SAMD11: variants seen among roughly 807,000 people sequenced by gnomAD.
SAMD11 encodes the protein sterile alpha motif domain containing 11.
SAMD11 carries 77 observed loss-of-function variants against 64.4 expected under a neutral mutation model. The ratio of observed to expected loss-of-function variants is 1.20; its 90% CI spans 0.99 to 1.44. The LOEUF is 1.44. Among genes scored for constraint, SAMD11 ranks in the 40% most tolerant of loss-of-function variants. The pLI, the probability that SAMD11 is intolerant of heterozygous loss-of-function variation, is 0.00. For synonymous variants in SAMD11, 658 were observed against 421.9 expected (o/e 1.56, Z -6.86); for missense variants, 1,402 against 943.3 (o/e 1.49, Z -6.37).
chr1:930,184 A>G lies in SAMD11; in HGVS notation c.639A>G (p.Thr213=). 2 of 1,560,538 alleles carry G rather than the reference A, an allele frequency of 1.3e-6. No homozygotes were observed. Among genetic ancestry groups the G allele is most frequent in the Non-Finnish European group, 1.7e-6 (2 of 1,152,438 alleles). Residue 213 remains threonine, a synonymous_variant, in exon 3 of 14, where the codon ACA becomes ACG. Coordinates refer to ENST00000616016, the MANE Select transcript of SAMD11 (RefSeq NM_001385641.1). ...VNRGRLADKR[T]VALPAARNLK... is the part of the protein sequence containing the mutation. Reference sequence around the variant, plus strand: ...GGGGGCGGCTGGCAGACAAGAGGACAGTCGCCCTGCCTGCCGCCCGGAACC... The same window carrying G: ...GGGGGCGGCTGGCAGACAAGAGGACGGTCGCCCTGCCTGCCGCCCGGAACC...
chr1:944,124 G>GC lies in SAMD11; in HGVS notation c.2511dup (p.Asp838ArgfsTer66), dbSNP rs1642004946. Reference sequence around the variant, plus strand: ...TGGGACCTTGGCTCTACTTCCAGGGGCCCCCGACCCTTCCCAGCCTCTGTG... The same window carrying GC: ...TGGGACCTTGGCTCTACTTCCAGGGGCCCCCCGACCCTTCCCAGCCTCTGTG... On this transcript the variant is annotated frameshift_variant, in exon 14 of 14. Coordinates refer to ENST00000616016, the MANE Select transcript of SAMD11 (RefSeq NM_001385641.1). LOFTEE classifies it high-confidence loss of function. 2 of 1,592,886 alleles carry GC rather than the reference G, an allele frequency of 1.3e-6. No individual in the cohort carries two copies. The highest frequency in any genetic ancestry group is 1.7e-4 in the Middle Eastern group (1 of 5,982).
intron 4 of SAMD11, among the ~76,000 whole-genome samples, chr1:933,466 GCTCGGGGCTCACTGCCAGCCCCCAAC>G (rs973938306): frequency 6.6e-6 from 1 of 152,134 alleles, no homozygotes; most frequent in African/African-American, 2.4e-5. Context: ...TGGGCGCCAG[GCTCGGGGCTCACTGCCAGCCCCCAAC>G]CTCTGGAGTC....
intron 11 of SAMD11, 44 bp downstream of exon 11, chr1:943,102 T>C (rs752169805): frequency 6.4e-7 from 1 of 1,554,918 alleles, no homozygotes; most frequent in Admixed American, 1.8e-5. Context: ...GGCACAGGAC[T>C]GGCAGGCCGC....
chr1:938,043 C>T (rs982963959), intron 5 of SAMD11, among the ~76,000 whole-genome samples: 9 of 152,024 alleles, frequency 5.9e-5, no homozygotes, highest in African/African-American at 1.4e-4. Flanking sequence ...CAGCTAGAGC[C>T]CTCATGAGGA....
At chr1:939,500 C>G in intron 7 of SAMD11, 88 bp downstream of exon 7, 1 of 1,585,272 alleles carries the variant, frequency 6.3e-7, no homozygotes, top group Admixed American at 1.7e-5. Flanking sequence ...TCATCACCTC[C>G]CCAGCCACAT....
At chr1:942,027 T>G in intron 8 of SAMD11, 109 bp from the exon 9 acceptor site, 1 of 432,716 alleles carries the variant, frequency 2.3e-6, no homozygotes, top group Non-Finnish European at 4.1e-6. Flanking sequence ...GAGCTGCGCA[T>G]CGACCGCCCG....
rs759224992 is a variant in SAMD11 at position 943,939 on chromosome 1, T to G, written c.2321T>G (p.Val774Gly). Reference sequence around the variant, plus strand: ...AGGCGCCTGGGCCGAGTTTTCTACGTGGCCAGCTTCCCCGTGGCTCTGCCA... The same window carrying G: ...AGGCGCCTGGGCCGAGTTTTCTACGGGGCCAGCTTCCCCGTGGCTCTGCCA... The part of the protein sequence containing the change: ...VARRLGRVFY[V>G]ASFPVALPLQ... Residue 774 changes from valine to glycine, a missense_variant, in exon 14 of 14, where the codon GTG becomes GGG. Physicochemically the swap from Val to Gly is moderately radical, Grantham distance 109. Coordinates refer to ENST00000616016, the MANE Select transcript of SAMD11 (RefSeq NM_001385641.1). 1.2e-6 allele frequency: 2 copies of G among 1,612,658 alleles called. No individual in the cohort carries two copies. Among genetic ancestry groups the G allele is most frequent in the Admixed American group, 1.7e-5 (1 of 60,024 alleles).
intron 7 of SAMD11, among the ~76,000 whole-genome samples, chr1:939,616 C>A (rs961302678): frequency 1.3e-5 from 2 of 152,174 alleles, no homozygotes; most frequent in African/African-American, 4.8e-5. Flanking sequence ...GCGGGCCACA[C>A]CTCCATGTCC....
chr1:932,933 G>A (rs1469117568), intron 4 of SAMD11, among the ~76,000 whole-genome samples: 1 of 152,256 alleles, frequency 6.6e-6, no homozygotes, highest in African/African-American at 2.4e-5. Context: ...GCAAGGGCTA[G>A]GCCGTGTGGT....
chr1:931,041 T>C lies in SAMD11; in HGVS notation c.794T>C (p.Val265Ala), dbSNP rs138703951. 3.6e-5 allele frequency: 58 copies of C among 1,612,708 alleles called. No homozygotes were observed. The Admixed American group carries it at 9.7e-4, about 27-fold the overall frequency. Residue 265 changes from valine to alanine, a missense_variant and splice_region_variant, in exon 4 of 14, where the codon GTC (valine) becomes GCC (alanine). By Grantham distance (64) the Val-to-Ala change is moderately conservative (BLOSUM62 0). Transcript: ENST00000616016. ...GPHIRIMKRR[V>A]HTHWDVNISF... is the part of the protein sequence containing the mutation. ...ACCTTCTGCTTCCCTTCCTGCAGAGTCCACACCCACTGGGACGTGAACATC... is the reference window on the plus strand; with the variant it reads ...ACCTTCTGCTTCCCTTCCTGCAGAGCCCACACCCACTGGGACGTGAACATC...
chr1:942,311 G>GC (rs1480519163), intron 9 of SAMD11, 60 bp downstream of exon 9: 1 of 1,052,770 alleles, frequency 9.5e-7, no homozygotes, highest in Non-Finnish European at 1.3e-6. Context: ...ACCCGGCCCT[G>GC]CCCCTGTCGG....
intron 7 of SAMD11, 73 bp from the exon 8 acceptor site, chr1:941,071 C>G: frequency 7.1e-7 from 1 of 1,405,496 alleles, no homozygotes; most frequent in Non-Finnish European, 9.8e-7. Flanking sequence ...CCTCAGTGTT[C>G]TACGCCAGGA....
At chr1:936,236 G>A (rs911279023) in intron 5 of SAMD11, among the ~76,000 whole-genome samples, 1 of 151,474 alleles carries the variant, frequency 6.6e-6, no homozygotes, top group African/African-American at 2.4e-5. Context: ...CGCATGACTG[G>A]TCCCGCCTCC....
Position 944,054 on chromosome 1 carries a change from AG to A in SAMD11, c.2441del (p.Gly814AlafsTer71). 1.9e-6 allele frequency: 3 copies of A among 1,612,642 alleles called. No homozygotes were observed. Among genetic ancestry groups the A allele is most frequent in the Non-Finnish European group, 1.7e-6 (2 of 1,179,924 alleles). ...SPTTATSPYGGGHALAGQTSP... is the reference protein window; with the variant it reads ...SPTTATSPYGXGHALAGQTSP... The stretch of plus-strand genomic sequence containing the variant: ...CCACGACGGCCACGTCCCCCTATGG[AG>A]GGGGCCACGCCCTTGCCGGTCAAAC... On this transcript the variant is annotated frameshift_variant, in exon 14 of 14. Coordinates refer to ENST00000616016, the MANE Select transcript of SAMD11 (RefSeq NM_001385641.1). LOFTEE classifies it high-confidence loss of function.
chr1:936,724 T>C (rs1641472643), intron 5 of SAMD11, among the ~76,000 whole-genome samples: 2 of 152,104 alleles, frequency 1.3e-5, no homozygotes, highest in South Asian at 2.1e-4. Flanking sequence ...CCCCCATCCA[T>C]GGCCCCCATC....
At position 943,939 on chromosome 1, in the gene SAMD11, T is replaced by C. The variant is rs759224992; in HGVS notation, c.2321T>C (p.Val774Ala). 1 of 1,612,658 alleles carries C rather than the reference T, an allele frequency of 6.2e-7. No homozygotes were observed. The highest frequency in any genetic ancestry group is 8.5e-7 in the Non-Finnish European group (1 of 1,179,828). ...AGGCGCCTGGGCCGAGTTTTCTACG[T>C]GGCCAGCTTCCCCGTGGCTCTGCCA... ...VARRLGRVFYVASFPVALPLQ... is the reference protein window; with the variant it reads ...VARRLGRVFYAASFPVALPLQ... The change falls in exon 14 of 14, where the codon GTG becomes GCG. Residue 774 changes from valine (V) to alanine (A), a missense_variant. Physicochemically the swap from Val to Ala is moderately conservative, Grantham distance 64 (BLOSUM62 0). Coordinates refer to ENST00000616016, the MANE Select transcript of SAMD11 (RefSeq NM_001385641.1).
Position 944,315 on chromosome 1 carries a change from T to G in SAMD11, c.*162T>G. 7.2e-7 allele frequency: 1 copy of G among 1,388,728 alleles called. No homozygotes were observed. The highest frequency in any genetic ancestry group is 9.3e-7 in the Non-Finnish European group (1 of 1,077,854). The allele number at this position is 1,388,728 out of a possible 1,614,324, so 86.0% of individuals were successfully genotyped here. A position where few individuals can be genotyped will look rare whatever the true frequency, so the allele number is the denominator to read the frequency against. ...AGGAAAGGAACAAATTTTCAAAGAC[T>G]TGGGGGAGTGAAGGCAGAGCCTGGT... On this transcript the variant is annotated 3_prime_UTR_variant, in exon 14 of 14. Transcript: ENST00000616016.
chr1:942,559 G>C lies in SAMD11; in HGVS notation c.1554G>C (p.Arg518=). The change falls in exon 11 of 14, where the codon CGG becomes CGC. Residue 518 remains arginine (R), a splice_region_variant and synonymous_variant. Transcript: ENST00000616016. ...TGACCCGCGTCTGCCCCCGGCCCAG[G>C]CTGGAGCTGCCCGCCGACCTCCTGC... The part of the protein sequence containing the change: ...QELLRKQNLA[R]LELPADLLRQ... 7.1e-7 allele frequency: 1 copy of C among 1,402,090 alleles called. No homozygotes were observed. The allele number at this position is 1,402,090 out of a possible 1,614,324, so 86.9% of individuals were successfully genotyped here.
In SAMD11 at chr1:928,202, A is replaced by C. The variant is rs7417973; in HGVS notation, c.610-1953A>C. On this transcript the variant is annotated intron_variant, in intron 2 of 13. Coordinates refer to ENST00000616016, the MANE Select transcript of SAMD11 (RefSeq NM_001385641.1). ...AGGTCAGGAGATCGAGACCATCCTG[A>C]CTAACACGGTGAAACCCGTCTCTAC... Among the ~76,000 whole-genome samples the C allele has an allele frequency of 1.7e-4, 26 of 150,696 alleles. No individual in the cohort carries two copies. In the East Asian group the frequency reaches 1.8e-3, roughly 10 times the overall value.
Sources: allele counts gnomAD v4.1 joint callset (sites outside exome capture counted in the v4.1 genomes callset), GRCh38; gene constraint gnomAD v4.1.1; transcripts MANE v1.5; gene names NCBI Gene and HGNC (gene_info 2026-07-23, HGNC 2026-07-21).